Variants in MGAT4C observed in about 807,000 individuals in gnomAD.
The protein encoded by MGAT4C is MGAT4 family member C.
In MGAT4C, 19 loss-of-function variants were observed where a neutral mutation model predicts 40.1. The ratio of observed to expected loss-of-function variants is 0.47; its 90% CI spans 0.33 to 0.70. The LOEUF is 0.70. Among genes scored for constraint, MGAT4C ranks in the 30% least tolerant of loss-of-function variants. The pLI, the probability that MGAT4C is intolerant of heterozygous loss-of-function variation, is 0.02. For synonymous variants in MGAT4C, 181 were observed against 187.1 expected (o/e 0.97, Z 0.27); for missense variants, 491 against 563.2 (o/e 0.87, Z 1.30).
At chr12:85,986,253 G>A (rs1288789986) in intron 3 of MGAT4C, among the ~76,000 whole-genome samples, 1 of 152,166 alleles carries the variant, frequency 6.6e-6, no homozygotes, top group Non-Finnish European at 1.5e-5. Flanking sequence ...TAGCTACTAT[G>A]CTGTAGTATA....
At chr12:86,510,884 T>C (rs1045372961) in intron 2 of MGAT4C, among the ~76,000 whole-genome samples, 1 of 151,728 alleles carries the variant, frequency 6.6e-6, no homozygotes, top group African/African-American at 2.4e-5. Context: ...TCCCACACAT[T>C]AATAATGGGA....
chr12:86,534,986 A>G (rs1458473396), intron 2 of MGAT4C, among the ~76,000 whole-genome samples: 2 of 152,140 alleles, frequency 1.3e-5, no homozygotes, highest in Non-Finnish European at 2.9e-5. Context: ...GGTAATATCT[A>G]GGAAAAAATT....
intron 2 of MGAT4C, among the ~76,000 whole-genome samples, chr12:86,540,668 G>A (rs1275349822): frequency 3.9e-5 from 6 of 152,096 alleles, no homozygotes; most frequent in Admixed American, 1.3e-4. Flanking sequence ...GCCGGGAGGC[G>A]GAGGTTGCAG....
At chr12:86,098,805 T>C (rs1874403256) in intron 1 of MGAT4C, among the ~76,000 whole-genome samples, 1 of 151,656 alleles carries the variant, frequency 6.6e-6, no homozygotes, top group Non-Finnish European at 1.5e-5. Flanking sequence ...GCACATAATG[T>C]TTGTGAGAGC....
rs1258929600 is a variant in MGAT4C at position 85,979,305 on chromosome 12, C to T, written c.1421G>A (p.Ser474Asn). 3 of 1,601,086 alleles carry T rather than the reference C, an allele frequency of 1.9e-6. No homozygotes were observed. The highest frequency in any genetic ancestry group is 1.1e-5 in the South Asian group (1 of 89,386). Residue 474 changes from serine (S) to asparagine (N), a missense_variant, in exon 5 of 5, where the codon AGC becomes AAC. Transcript: ENST00000611864. ...TTTAATTGGCTAAGAAGTCCAAATG[C>T]TAATACTCCTAATAATTAGCCATTC... ...QKEWLIIRSI[S>N]IWTS
rs1025360110 is a variant in MGAT4C, at chr12:85,975,932, T to G, written c.*3357A>C. ...GTTTCCTTCAATTGTTAGATGGCAC[T>G]GGATGTAGTGTTTTCAATGTTAATC... On this transcript the variant is annotated 3_prime_UTR_variant, in exon 5 of 5. Transcript: ENST00000611864. 2 of 151,050 alleles carry G rather than the reference T, an allele frequency of 1.3e-5. No individual in the cohort carries two copies. Among genetic ancestry groups the G allele is most frequent in the African/African-American group, 4.8e-5 (2 of 41,358 alleles). 9.4% of individuals were successfully genotyped at this position (151,050 alleles called of 1,614,324 possible).
intron 1 of MGAT4C, among the ~76,000 whole-genome samples, chr12:86,253,959 C>A (rs565547997): frequency 6.6e-6 from 1 of 151,980 alleles, no homozygotes; most frequent in African/African-American, 2.4e-5. Flanking sequence ...AAATATATCA[C>A]CCCCAGCATA....
chr12:86,535,615 T>G (rs1174885814), intron 2 of MGAT4C, among the ~76,000 whole-genome samples: 1 of 152,034 alleles, frequency 6.6e-6, no homozygotes, highest in Non-Finnish European at 1.5e-5. Context: ...TTTTAGTTAG[T>G]GATACATTAT....
At chr12:86,308,725 T>C (rs1954000358) in intron 4 of MGAT4C, among the ~76,000 whole-genome samples, 2 of 150,760 alleles carry the variant, frequency 1.3e-5, no homozygotes, top group African/African-American at 5.0e-5. Flanking sequence ...AAGTCCCCAG[T>C]AGATAATCAT....
chr12:86,483,405 A>G (rs370211895), intron 2 of MGAT4C, among the ~76,000 whole-genome samples: 12 of 152,230 alleles, frequency 7.9e-5, no homozygotes, highest in East Asian at 5.8e-4. Flanking sequence ...TTTACCCCCC[A>G]AAATTCTTAG....
At chr12:86,178,951 C>G (rs768687852) in intron 1 of MGAT4C, among the ~76,000 whole-genome samples, 1 of 152,122 alleles carries the variant, frequency 6.6e-6, no homozygotes, top group Non-Finnish European at 1.5e-5. Flanking sequence ...TTAGATTCAA[C>G]CTATTTGCCT....
chr12:86,148,100 A>G (rs577494498), intron 1 of MGAT4C, among the ~76,000 whole-genome samples: 7 of 152,238 alleles, frequency 4.6e-5, no homozygotes, highest in Non-Finnish European at 1.0e-4. Context: ...CTAATTTTGA[A>G]AAGAATAATA....
At chr12:86,436,847 T>A (rs1246226025) in intron 2 of MGAT4C, among the ~76,000 whole-genome samples, 1 of 151,806 alleles carries the variant, frequency 6.6e-6, no homozygotes. Context: ...GGAAATTATT[T>A]GCAAATACAG....
At chr12:86,483,514 T>C (rs1957969338) in intron 2 of MGAT4C, among the ~76,000 whole-genome samples, 1 of 151,956 alleles carries the variant, frequency 6.6e-6, no homozygotes, top group South Asian at 2.1e-4. Context: ...AAAGGTTTTG[T>C]GGAGTGCAAA....
intron 4 of MGAT4C, among the ~76,000 whole-genome samples, chr12:86,292,652 C>T (rs897022605): frequency 6.6e-6 from 1 of 151,990 alleles, no homozygotes; most frequent in East Asian, 1.9e-4. Context: ...TTTACATCAC[C>T]CATATTGCGT....
At chr12:86,163,488 G>T (rs1885838089) in intron 1 of MGAT4C, among the ~76,000 whole-genome samples, 1 of 152,026 alleles carries the variant, frequency 6.6e-6, no homozygotes, top group Admixed American at 6.6e-5. Flanking sequence ...CACTGTGCCT[G>T]GACAATAATC....
chr12:86,748,820 A>C (rs1951192114), intron 1 of MGAT4C, among the ~76,000 whole-genome samples: 1 of 151,650 alleles, frequency 6.6e-6, no homozygotes, highest in African/African-American at 2.4e-5. Flanking sequence ...AAATTTAAAA[A>C]ATTTAGTATA....
intron 1 of MGAT4C, among the ~76,000 whole-genome samples, chr12:86,740,536 C>T (rs1951052833): frequency 6.6e-6 from 1 of 150,944 alleles, no homozygotes; most frequent in Admixed American, 6.6e-5. Flanking sequence ...AAATTTAATG[C>T]CACTTCTGAT....
At chr12:86,570,377 CA>C (rs1217040518) in intron 2 of MGAT4C, among the ~76,000 whole-genome samples, 1 of 151,978 alleles carries the variant, frequency 6.6e-6, no homozygotes, top group Non-Finnish European at 1.5e-5. Context: ...ATGAGAGTCT[CA>C]AATCCTTTTA....
Sources: allele counts gnomAD v4.1 joint callset (sites outside exome capture counted in the v4.1 genomes callset), GRCh38; gene constraint gnomAD v4.1.1; transcripts MANE v1.5; gene names NCBI Gene and HGNC (gene_info 2026-07-23, HGNC 2026-07-21).